FES: variants seen among roughly 807,000 people sequenced by gnomAD.
FES encodes tyrosine-protein kinase Fes/Fps.
FES carries 83 observed loss-of-function variants against 109.6 expected under a neutral mutation model. That is an observed-to-expected ratio of 0.76 (90% confidence interval 0.63 to 0.91). The LOEUF is 0.91. FES is among the 40% of genes least tolerant of loss of function. FES has a pLI of 0.00. For missense variants in FES, 943 were observed against 1,070.9 expected (o/e 0.88, Z 1.67); for synonymous variants, 458 against 442.1 (o/e 1.04, Z -0.45).
At chr15:90,891,393 C>T in intron 11 of FES, 161 bp from the exon 12 acceptor site, 5 of 1,110,900 alleles carry the variant, frequency 4.5e-6, no homozygotes, top group Non-Finnish European at 6.6e-6. Context: ...CCTGGTGGGG[C>T]AGCAGGATGT....
intron 11 of FES, 153 bp from the exon 12 acceptor site, chr15:90,891,401 T>G: frequency 8.8e-7 from 1 of 1,131,368 alleles, no homozygotes; most frequent in Non-Finnish European, 1.3e-6. Context: ...GGCAGCAGGA[T>G]GTCATGTGCC....
At chr15:90,888,266 C>T (rs2032853836) in intron 5 of FES, among the ~76,000 whole-genome samples, 1 of 152,152 alleles carries the variant, frequency 6.6e-6, no homozygotes, top group Non-Finnish European at 1.5e-5. Context: ...CCACCACACC[C>T]AGCTAATTTT....
In FES at chr15:90,889,928, CG is replaced by C; in HGVS notation, c.1017del (p.Asn340MetfsTer30). 6.2e-7 allele frequency: 1 copy of C among 1,613,500 alleles called. No individual in the cohort carries two copies. Among genetic ancestry groups the C allele is most frequent in the Non-Finnish European group, 8.5e-7 (1 of 1,179,920 alleles). ...GGTTACGCAGCTGCAACAGGAGCTC[CG>C]GAATGAAGAGGAGAACACCCACCCC... is the stretch of plus-strand genomic sequence containing the variant. ...EMVTQLQQEL[R>X]NEEENTHPRE... On this transcript the variant is annotated frameshift_variant, in exon 8 of 19. Transcript: ENST00000328850. LOFTEE classifies it high-confidence loss of function. This position sits in a 1 kb window ranked among gnomAD's most constrained non-coding sequence, Gnocchi z 6.1.
chr15:90,895,236 C>T (rs116819393), intron 18 of FES, among the ~76,000 whole-genome samples, 180 bp from the exon 19 acceptor site: 144 of 152,288 alleles, frequency 9.5e-4, no homozygotes, highest in Middle Eastern at 3.4e-3. Flanking sequence ...ACAGCTAGCA[C>T]GTGGTAGGAT....
At chr15:90,892,203 C>G in intron 13 of FES, 92 bp downstream of exon 13, 2 of 1,402,284 alleles carry the variant, frequency 1.4e-6, no homozygotes, top group Non-Finnish European at 2.0e-6. Flanking sequence ...ACCTCCCTGC[C>G]CCATCTGATT....
rs766682855 is a variant in FES at position 90,890,152 on chromosome 15, G to A, written c.1110G>A (p.Ala370=). Residue 370 remains alanine, a synonymous_variant, in exon 9 of 19, where the codon GCG becomes GCA. Coordinates refer to ENST00000328850, the MANE Select transcript of FES (RefSeq NM_002005.4). ...AAGCACTGCAGGGGCTGCAGGTAGC[G>A]CTGTGCAGCCAGGCCAAGCTGCAGG... ...LQEALQGLQV[A]LCSQAKLQAQ... is the part of the protein sequence containing the mutation. 1.1e-4 allele frequency: 180 copies of A among 1,595,036 alleles called. No individual in the cohort carries two copies. The highest frequency in any genetic ancestry group is 2.0e-4 in the Middle Eastern group (1 of 4,918).
rs1030254748 is a variant in FES, at chr15:90,893,335, C to T, written c.1966C>T (p.Arg656Trp). 29 of 1,574,922 alleles carry T rather than the reference C, an allele frequency of 1.8e-5. No individual in the cohort carries two copies. The highest frequency in any genetic ancestry group is 1.7e-4 in the Middle Eastern group (1 of 5,842). The change falls in exon 16 of 19, where the codon CGG becomes TGG. Residue 656 changes from arginine (R) to tryptophan (W), a missense_variant. Transcript: ENST00000328850. The part of the protein sequence containing the change: ...TFLRTEGARL[R>W]VKTLLQMVGD... ...CCTCCGCACGGAGGGGGCCCGCCTG[C>T]GGGTGAAGACTCTGCTGCAGATGGT...
intron 3 of FES, 116 bp downstream of exon 3, chr15:90,885,701 G>T: frequency 6.9e-7 from 1 of 1,456,428 alleles, no homozygotes; most frequent in Non-Finnish European, 9.1e-7. Context: ...CTGACCGCAG[G>T]CCTGGCTTGC....
In FES at chr15:90,891,583, T is replaced by C; in HGVS notation, c.1560T>C (p.Phe520=). Reference sequence around the variant, plus strand: ...TGTACCGACTGGAAGGGGAAGGCTTTCCTAGCATTCCTTTGCTCATCGACC... The same window carrying C: ...TGTACCGACTGGAAGGGGAAGGCTTCCCTAGCATTCCTTTGCTCATCGACC... ...DNLYRLEGEG[F]PSIPLLIDHL... Residue 520 remains phenylalanine (F), a synonymous_variant, in exon 12 of 19, where the codon TTT becomes TTC. Coordinates refer to ENST00000328850, the MANE Select transcript of FES (RefSeq NM_002005.4). The C allele has an allele frequency of 1.2e-6, 2 of 1,613,776 alleles. No homozygotes were observed. Among genetic ancestry groups the C allele is most frequent in the Non-Finnish European group, 1.7e-6 (2 of 1,179,884 alleles).
At chr15:90,890,892 A>G in intron 10 of FES, 90 bp from the exon 11 acceptor site, 1 of 1,273,564 alleles carries the variant, frequency 7.9e-7, no homozygotes, top group Non-Finnish European at 1.1e-6. Flanking sequence ...GGCTGAGGGC[A>G]TATAGGGGGG....
chr15:90,893,909 T>A lies in FES; in HGVS notation c.2204-27T>A, dbSNP rs776962170. The A allele has an allele frequency of 5.6e-6, 9 of 1,613,046 alleles. No homozygotes were observed. In the South Asian group the frequency reaches 9.9e-5, roughly 18 times the overall value. ...GGCCCCAGGGAGGGTGCACTCACGCTGCCTCACCTCCTCGCCTCCTCTGCA... is the reference window on the plus strand; with the variant it reads ...GGCCCCAGGGAGGGTGCACTCACGCAGCCTCACCTCCTCGCCTCCTCTGCA... On this transcript the variant is annotated intron_variant, in intron 17 of 18. Transcript: ENST00000328850.
In FES at chr15:90,889,373, C is replaced by T. The variant is rs141047785; in HGVS notation, c.736C>T (p.Arg246Trp). The part of the protein sequence containing the change: ...LVQDEVVAIH[R>W]EMAAAAARIQ... ...GCAGGATGAGGTGGTGGCCATTCACCGGGAGATGGCTGCAGCTGCTGCCCG... is the reference window on the plus strand; with the variant it reads ...GCAGGATGAGGTGGTGGCCATTCACTGGGAGATGGCTGCAGCTGCTGCCCG... The change falls in exon 6 of 19, where the codon CGG (arginine) becomes TGG (tryptophan). Residue 246 changes from arginine (R) to tryptophan (W), a missense_variant. Physicochemically the swap from Arg to Trp is moderately radical, Grantham distance 101 (BLOSUM62 -3). Transcript: ENST00000328850. This position sits in a 1 kb window ranked among gnomAD's most constrained non-coding sequence, Gnocchi z 6.1. 3.7e-5 allele frequency: 60 copies of T among 1,614,010 alleles called. No individual in the cohort carries two copies. In the East Asian group the frequency reaches 7.1e-4, roughly 19 times the overall value.
intron 2 of FES, 69 bp downstream of exon 2, chr15:90,885,327 C>T (rs774332087): frequency 1.3e-6 from 2 of 1,599,042 alleles, no homozygotes; most frequent in African/African-American, 2.7e-5. Flanking sequence ...TGGGGGCCCT[C>T]TGGGGCAGTG....
chr15:90,892,943 G>T, intron 14 of FES, 118 bp downstream of exon 14: 4 of 1,328,266 alleles, frequency 3.0e-6, no homozygotes, highest in Non-Finnish European at 4.2e-6. Flanking sequence ...CCCCCATTGC[G>T]GGTAGTACCC....
chr15:90,891,254 G>C, intron 11 of FES, 63 bp downstream of exon 11: 1 of 1,525,812 alleles, frequency 6.6e-7, no homozygotes. Flanking sequence ...CCTTCCCCAA[G>C]GGAAATGGCC....
intron 16 of FES, 66 bp from the exon 17 acceptor site, chr15:90,893,588 A>G (rs764811038): frequency 2.6e-6 from 4 of 1,516,872 alleles, no homozygotes; most frequent in Non-Finnish European, 3.5e-6. Context: ...TGGCTTTCCT[A>G]GAGTGTTCAG....
intron 8 of FES, 52 bp from the exon 9 acceptor site, chr15:90,890,040 C>G (rs981580803): frequency 3.4e-5 from 53 of 1,581,004 alleles, no homozygotes; most frequent in Non-Finnish European, 4.5e-5. Context: ...GGCTACCCGC[C>G]GCAGACCGAG....
At position 90,885,243 on chromosome 15, in the gene FES, C is replaced by G; in HGVS notation, c.198C>G (p.Asp66Glu). The G allele has an allele frequency of 6.2e-7, 1 of 1,612,738 alleles. No homozygotes were observed. Among genetic ancestry groups the G allele is most frequent in the Non-Finnish European group, 8.5e-7 (1 of 1,179,818 alleles). The change falls in exon 2 of 19, where the codon GAC (aspartate) becomes GAG (glutamate). Residue 66 changes from aspartate (D) to glutamate (E), a missense_variant. By Grantham distance (45) the Asp-to-Glu change is conservative. Transcript: ENST00000328850. ...SGGQSRAISP[D>E]SPISQSWAEI... Reference sequence around the variant, plus strand: ...GCCAGAGCCGGGCCATCAGCCCTGACAGCCCCATCAGTCAGGTGGGTCTCT... The same window carrying G: ...GCCAGAGCCGGGCCATCAGCCCTGAGAGCCCCATCAGTCAGGTGGGTCTCT...
At chr15:90,891,928 A>G (rs2033254781) in intron 12 of FES, 130 bp from the exon 13 acceptor site, 2 of 1,183,922 alleles carry the variant, frequency 1.7e-6, no homozygotes, top group Non-Finnish European at 1.2e-6. Flanking sequence ...TAGTCATCTC[A>G]GTGTGCTCCC....
Sources: gnomAD v4.1 joint callset for allele counts (sites outside exome capture counted in the v4.1 genomes callset) on GRCh38, gnomAD v4.1.1 for gene constraint, Gnocchi (gnomAD v3.1) non-coding constraint, MANE v1.5 for transcripts, NCBI Gene and HGNC (gene_info 2026-07-23, HGNC 2026-07-21) for gene names.